The following LRRC63 variants were observed in gnomAD, a reference collection of about 807,000 sequenced individuals.
LRRC63 encodes the protein leucine-rich repeat-containing protein 63.
LRRC63 carries 40 observed loss-of-function variants against 49.5 expected under a neutral mutation model. That is an observed-to-expected ratio of 0.81 (90% CI 0.63 to 1.05). The LOEUF (loss-of-function observed/expected upper bound fraction) is 1.05, where lower values mean the gene tolerates loss of function less well. Among genes scored for constraint, LRRC63 ranks in the 50% least tolerant of loss-of-function variants. The probability of loss-of-function intolerance (pLI) is 0.00; values close to 1 mark genes in which losing one functional copy is unlikely to be tolerated. For synonymous variants in LRRC63, 191 were observed against 221.1 expected (o/e 0.86, Z 1.21); for missense variants, 636 against 663.1 (o/e 0.96, Z 0.45).
chr13:46,253,360 T>C (rs889438289), intron 7 of LRRC63, among the ~76,000 whole-genome samples: 1 of 152,020 alleles, frequency 6.6e-6, no homozygotes, highest in South Asian at 2.1e-4. Context: ...AGGGGCATGA[T>C]CTTTTCCCTT....
chr13:46,230,150 A>G (rs1315234039), intron 4 of LRRC63, among the ~76,000 whole-genome samples: 1 of 152,132 alleles, frequency 6.6e-6, no homozygotes, highest in African/African-American at 2.4e-5. Context: ...CATCCAAACT[A>G]TATCACTCCA....
chr13:46,254,262 A>T (rs1287977649), intron 7 of LRRC63, among the ~76,000 whole-genome samples: 1 of 152,168 alleles, frequency 6.6e-6, no homozygotes, highest in Non-Finnish European at 1.5e-5. Context: ...ATTAGACAAA[A>T]GCTATAGAGA....
intron 9 of LRRC63, among the ~76,000 whole-genome samples, chr13:46,272,944 G>T (rs1023542082): frequency 6.6e-6 from 1 of 152,184 alleles, no homozygotes; most frequent in Non-Finnish European, 1.5e-5. Context: ...CAAGGGAAGA[G>T]CTTTAGTTAT....
At chr13:46,258,619 C>A (rs1022401658) in intron 7 of LRRC63, among the ~76,000 whole-genome samples, 46 of 150,264 alleles carry the variant, frequency 3.1e-4, no homozygotes, top group African/African-American at 9.5e-4. Flanking sequence ...ACCATCCTGG[C>A]CAACATGGTG....
intron 9 of LRRC63, among the ~76,000 whole-genome samples, chr13:46,272,222 A>G (rs1336845143): frequency 6.6e-6 from 1 of 152,188 alleles, no homozygotes; most frequent in Non-Finnish European, 1.5e-5. Flanking sequence ...TTATTTTTGG[A>G]CCACAGTTGA....
At chr13:46,220,660 A>C (rs902701533) in intron 2 of LRRC63, among the ~76,000 whole-genome samples, 1 of 151,630 alleles carries the variant, frequency 6.6e-6, no homozygotes, top group African/African-American at 2.4e-5. Flanking sequence ...GAAAAAAAAA[A>C]AAAAACTCCA....
chr13:46,224,057 G>A (rs1345221264), intron 2 of LRRC63, among the ~76,000 whole-genome samples: 2 of 152,174 alleles, frequency 1.3e-5, no homozygotes, highest in African/African-American at 2.4e-5. Flanking sequence ...TGTTTGCCTA[G>A]GGATTATTGA....
intron 7 of LRRC63, among the ~76,000 whole-genome samples, chr13:46,257,721 C>A (rs1349644791): frequency 2.0e-5 from 3 of 152,072 alleles, no homozygotes; most frequent in Non-Finnish European, 4.4e-5. Context: ...TTAAATAAAA[C>A]AATTGGTTAC....
chr13:46,213,061 A>G, exon 2 of LRRC63: 1 of 1,549,786 alleles, frequency 6.5e-7, no homozygotes, highest in Non-Finnish European at 8.7e-7. Context: ...TGCTTCTTCG[A>G]AGACCCTTAC....
chr13:46,244,445 G>A lies in LRRC63; in HGVS notation c.991-2082G>A, dbSNP rs184026127. On this transcript the variant is annotated intron_variant, in intron 5 of 9. Coordinates refer to ENST00000595396, the Ensembl canonical transcript of LRRC63. ...TTAAAAAGTGGTGTTTGAACAAATC[G>A]TCTGTTCACAGTAAAGAAGGCAAGA... is the stretch of plus-strand genomic sequence containing the variant. Among the ~76,000 whole-genome samples the A allele has an allele frequency of 2.6e-3, 395 of 152,218 alleles. 1 individual carries two copies. The highest frequency in any genetic ancestry group is 3.2e-3 in the Admixed American group (49 of 15,288).
intron 6 of LRRC63, among the ~76,000 whole-genome samples, chr13:46,249,587 A>G (rs762457289): frequency 6.6e-6 from 1 of 151,904 alleles, no homozygotes; most frequent in African/African-American, 2.4e-5. Flanking sequence ...GAATGGCTCC[A>G]TGATCTTAAA....
chr13:46,215,298 T>G (rs2046216848), intron 2 of LRRC63, among the ~76,000 whole-genome samples: 1 of 152,170 alleles, frequency 6.6e-6, no homozygotes, highest in Non-Finnish European at 1.5e-5. Context: ...TTTTAATAAT[T>G]GCCATTCTGA....
intron 6 of LRRC63, among the ~76,000 whole-genome samples, chr13:46,248,218 A>G (rs1171696008): frequency 1.3e-5 from 2 of 152,074 alleles, no homozygotes. Flanking sequence ...GAATTAAAAG[A>G]ACATATGACA....
chr13:46,221,346 A>G (rs1430073278), intron 2 of LRRC63, among the ~76,000 whole-genome samples: 1 of 152,222 alleles, frequency 6.6e-6, no homozygotes, highest in African/African-American at 2.4e-5. Flanking sequence ...GGTTGTCAGA[A>G]ATAATTGCAG....
At chr13:46,269,838 ATATC>A (rs2047731441) in intron 9 of LRRC63, among the ~76,000 whole-genome samples, 2 of 148,052 alleles carry the variant, frequency 1.4e-5, no homozygotes, top group South Asian at 2.1e-4. Flanking sequence ...TATATACTAT[ATATC>A]TATATATCTA....
At chr13:46,276,159 C>T (rs1183750438) in intron 9 of LRRC63, among the ~76,000 whole-genome samples, 1 of 151,746 alleles carries the variant, frequency 6.6e-6, no homozygotes, top group African/African-American at 2.4e-5. Flanking sequence ...ATTATGGACT[C>T]TAATTCCATA....
At chr13:46,223,624 G>T (rs1015019369) in intron 2 of LRRC63, among the ~76,000 whole-genome samples, 4 of 152,090 alleles carry the variant, frequency 2.6e-5, no homozygotes, top group African/African-American at 9.7e-5. Flanking sequence ...GGGAGGCCGA[G>T]GTGGGTGGAT....
At chr13:46,261,083 C>A (rs963756071) in intron 7 of LRRC63, among the ~76,000 whole-genome samples, 3 of 152,162 alleles carry the variant, frequency 2.0e-5, no homozygotes, top group Non-Finnish European at 2.9e-5. Context: ...TCCATCCAAC[C>A]CCTAGGAGTC....
intron 7 of LRRC63, among the ~76,000 whole-genome samples, chr13:46,261,269 A>G (rs551153528): frequency 1.3e-5 from 2 of 152,364 alleles, no homozygotes; most frequent in African/African-American, 4.8e-5. Context: ...ATAGAACCTC[A>G]GAATGTGACC....
Sources: gnomAD v4.1 joint callset for allele counts (sites outside exome capture counted in the v4.1 genomes callset) on GRCh38, gnomAD v4.1.1 for gene constraint, MANE v1.5 for transcripts, NCBI Gene and HGNC (gene_info 2026-07-23, HGNC 2026-07-21) for gene names.